The following RBFOX1 variants were observed in gnomAD, a reference collection of about 807,000 sequenced individuals.
RBFOX1 encodes the protein RNA binding fox-1 homolog 1.
Under a neutral mutation model 57.7 loss-of-function variants are expected in RBFOX1, and 8 were observed. The ratio of observed to expected loss-of-function variants is 0.14; its 90% CI spans 0.08 to 0.25. RBFOX1 has a LOEUF of 0.25. Among genes scored for constraint, RBFOX1 ranks in the 10% least tolerant of loss-of-function variants. The probability of loss-of-function intolerance (pLI) is 1.00; values close to 1 mark genes in which losing one functional copy is unlikely to be tolerated. For synonymous variants in RBFOX1, 326 were observed against 222.4 expected (o/e 1.47, Z -4.15); for missense variants, 611 against 548.5 (o/e 1.11, Z -1.14).
chr16:5,659,465 A>G (rs926720949), intron 3 of RBFOX1, among the ~76,000 whole-genome samples: 8 of 151,596 alleles, frequency 5.3e-5, no homozygotes, highest in Non-Finnish European at 8.8e-5. Context: ...CACCATGCCC[A>G]GCTAATTTTT....
At chr16:6,843,618 G>A (rs944401676) in intron 3 of RBFOX1, among the ~76,000 whole-genome samples, 1 of 152,216 alleles carries the variant, frequency 6.6e-6, no homozygotes, top group African/African-American at 2.4e-5. Flanking sequence ...GAACCCAGGA[G>A]GTGGAGCTTG....
intron 14 of RBFOX1, among the ~76,000 whole-genome samples, chr16:7,692,718 G>A (rs1049453618): frequency 2.0e-5 from 3 of 152,002 alleles, no homozygotes; most frequent in Non-Finnish European, 4.4e-5. Context: ...AAGTAAAATA[G>A]CATTTTCTAT....
chr16:6,846,392 C>T (rs781210161), intron 3 of RBFOX1, among the ~76,000 whole-genome samples: 3 of 152,164 alleles, frequency 2.0e-5, no homozygotes, highest in African/African-American at 4.8e-5. Context: ...TGCTGAAAAG[C>T]AGGCCTTTTC....
At chr16:7,003,581 G>C (rs551748258) in intron 3 of RBFOX1, among the ~76,000 whole-genome samples, 7 of 152,122 alleles carry the variant, frequency 4.6e-5, no homozygotes, top group African/African-American at 1.4e-4. Flanking sequence ...TTGAAACAAG[G>C]TATTAAAATA....
intron 3 of RBFOX1, among the ~76,000 whole-genome samples, chr16:7,017,094 A>G (rs539738924): frequency 1.3e-5 from 2 of 152,050 alleles, no homozygotes; most frequent in African/African-American, 4.8e-5. Flanking sequence ...TCATTTTTCA[A>G]AAGACAGATG....
chr16:6,190,079 TTTA>T (rs2097132415), intron 1 of RBFOX1, among the ~76,000 whole-genome samples: 1 of 152,152 alleles, frequency 6.6e-6, no homozygotes, highest in South Asian at 2.1e-4. Flanking sequence ...GGTGTGCAGT[TTTA>T]TTATTTTTTG....
intron 4 of RBFOX1, among the ~76,000 whole-genome samples, chr16:6,006,591 C>T (rs1034814223): frequency 3.3e-5 from 5 of 152,286 alleles, no homozygotes; most frequent in East Asian, 3.9e-4. Context: ...AGCCAGTTTT[C>T]CTTATAATTA....
chr16:6,298,660 T>C (rs2152738219), intron 1 of RBFOX1, among the ~76,000 whole-genome samples: 1 of 152,290 alleles, frequency 6.6e-6, no homozygotes, highest in East Asian at 1.9e-4. Context: ...GCAACAGCGC[T>C]CATTAAAAAG....
chr16:7,271,764 G>T (rs1156589020), intron 4 of RBFOX1, among the ~76,000 whole-genome samples: 1 of 151,848 alleles, frequency 6.6e-6, no homozygotes, highest in Non-Finnish European at 1.5e-5. Flanking sequence ...GTAGTTCTCT[G>T]TATCCATAGC....
intron 3 of RBFOX1, among the ~76,000 whole-genome samples, chr16:6,771,400 C>T (rs929959364): frequency 1.3e-5 from 2 of 152,142 alleles, no homozygotes; most frequent in African/African-American, 4.8e-5. Context: ...CCTAAGTCAG[C>T]AGCCCTGGCA....
intron 4 of RBFOX1, among the ~76,000 whole-genome samples, chr16:7,517,012 T>C (rs1433364327): frequency 2.6e-5 from 4 of 152,070 alleles, no homozygotes; most frequent in Non-Finnish European, 5.9e-5. Context: ...CCACAGACAA[T>C]AGGAGAGGCA....
At chr16:5,663,448 T>C (rs2049724245) in intron 3 of RBFOX1, among the ~76,000 whole-genome samples, 1 of 151,706 alleles carries the variant, frequency 6.6e-6, no homozygotes, top group Admixed American at 6.6e-5. Flanking sequence ...CAAGCTATCC[T>C]CCCACTTCAG....
chr16:7,145,070 G>A (rs1204270519), intron 4 of RBFOX1, among the ~76,000 whole-genome samples: 3 of 152,180 alleles, frequency 2.0e-5, no homozygotes, highest in Non-Finnish European at 4.4e-5. Context: ...TGCTCTTTTG[G>A]TACCAATCCT....
At chr16:6,960,860 G>C (rs1024196858) in intron 3 of RBFOX1, among the ~76,000 whole-genome samples, 3 of 151,714 alleles carry the variant, frequency 2.0e-5, no homozygotes, top group Non-Finnish European at 4.4e-5. Flanking sequence ...AGGTCCGGGT[G>C]CAGTGGCTCA....
chr16:6,680,634 T>A (rs907107116), intron 3 of RBFOX1, among the ~76,000 whole-genome samples: 4 of 152,186 alleles, frequency 2.6e-5, no homozygotes, highest in Non-Finnish European at 2.9e-5. Flanking sequence ...CAATAAAGTT[T>A]CAATTTTATA....
intron 1 of RBFOX1, among the ~76,000 whole-genome samples, chr16:6,256,677 G>A (rs2097669600): frequency 6.6e-6 from 1 of 152,062 alleles, no homozygotes; most frequent in African/African-American, 2.4e-5. Context: ...ATGCTGCCCT[G>A]TGCATTTTAG....
chr16:6,689,860 T>A (rs1170376225), intron 3 of RBFOX1, among the ~76,000 whole-genome samples: 1 of 152,214 alleles, frequency 6.6e-6, no homozygotes, highest in East Asian at 1.9e-4. Context: ...AAGACATTTG[T>A]CTCTGAATGT....
At chr16:5,624,306 T>A (rs1309956553) in intron 3 of RBFOX1, among the ~76,000 whole-genome samples, 1 of 152,222 alleles carries the variant, frequency 6.6e-6, no homozygotes, top group Non-Finnish European at 1.5e-5. Context: ...ACCATTCTCC[T>A]GCCTCAGCCT....
At chr16:7,180,091 C>T (rs75824400) in intron 4 of RBFOX1, among the ~76,000 whole-genome samples, 5,077 of 152,086 alleles carry the variant, frequency 0.033, 288 homozygotes, top group African/African-American at 0.12. Flanking sequence ...GAAAATATTT[C>T]TTCTTTTGTC....
Sources: allele counts gnomAD v4.1 joint callset (sites outside exome capture counted in the v4.1 genomes callset), GRCh38; gene constraint gnomAD v4.1.1; transcripts MANE v1.5; gene names NCBI Gene and HGNC (gene_info 2026-07-23, HGNC 2026-07-21).